GSTT4: variants seen among roughly 807,000 people sequenced by gnomAD.
GSTT4 encodes glutathione S-transferase theta 4.
chr22:23,996,608 C>A (rs1300807415), downstream of GSTT4, among the ~76,000 whole-genome samples: 1 of 152,162 alleles, frequency 6.6e-6, no homozygotes, highest in Non-Finnish European at 1.5e-5. Flanking sequence ...GATCATGTGA[C>A]TTTCTATTAA....
At chr22:23,993,952 A>G (rs993290073), downstream of GSTT4, among the ~76,000 whole-genome samples, 38 of 152,202 alleles carry the variant, frequency 2.5e-4, no homozygotes, top group Admixed American at 2.0e-4. Flanking sequence ...GTCACTCATA[A>G]CTTTACACCC....
At chr22:23,997,519 A>C (rs2034128630), downstream of GSTT4, among the ~76,000 whole-genome samples, 1 of 151,826 alleles carries the variant, frequency 6.6e-6, no homozygotes, top group South Asian at 2.1e-4. Flanking sequence ...CATTGCACCC[A>C]GCCTCCACTT....
At chr22:23,993,599 T>G (rs533648118), downstream of GSTT4, among the ~76,000 whole-genome samples, 1 of 152,338 alleles carries the variant, frequency 6.6e-6, no homozygotes, top group South Asian at 2.1e-4. Context: ...TATGTTTTTT[T>G]CTTGCCTCTT....
At chr22:23,990,735 T>TCTCA in the GSTT4 span, among the ~76,000 whole-genome samples, 1 of 93,578 alleles carries the variant, frequency 1.1e-5, no homozygotes, top group African/African-American at 3.7e-5. Context: ...AACGAGGCAG[T>TCTCA]TTGTTTTTTC....
At chr22:23,991,227 G>A in the GSTT4 span, 657 of 79,692 alleles carry the variant, frequency 8.2e-3, 2 homozygotes, top group Middle Eastern at 0.014. Flanking sequence ...TTTCCACACC[G>A]GAGAGTCTGA....
the GSTT4 span, among the ~76,000 whole-genome samples, chr22:23,991,087 AG>A: frequency 1.2e-5 from 1 of 83,464 alleles, no homozygotes; most frequent in Non-Finnish European, 2.8e-5. Context: ...CTGAGGCGGG[AG>A]GATCGCTTAA....
downstream of GSTT4, among the ~76,000 whole-genome samples, chr22:23,996,349 C>G (rs903537672): frequency 2.0e-5 from 3 of 152,120 alleles, no homozygotes; most frequent in Non-Finnish European, 4.4e-5. Context: ...CTAGATTCCA[C>G]CTTGTTCCTT....
At chr22:23,995,147 T>TTTG (rs2034104209), downstream of GSTT4, among the ~76,000 whole-genome samples, 4 of 151,732 alleles carry the variant, frequency 2.6e-5, no homozygotes, top group African/African-American at 7.3e-5. Flanking sequence ...GTTTGTTTTT[T>TTTG]TTTTGAGTCA....
At chr22:23,989,800 A>G in the GSTT4 span, among the ~76,000 whole-genome samples, 1 of 149,118 alleles carries the variant, frequency 6.7e-6, no homozygotes, top group Non-Finnish European at 1.5e-5. Context: ...AGGCCGCATT[A>G]GGTGCCTGGT....
the GSTT4 span, among the ~76,000 whole-genome samples, chr22:23,992,752 G>C: frequency 1.2e-4 from 18 of 148,820 alleles, 1 homozygote; most frequent in Middle Eastern, 0.017. Context: ...GCCTACCCCA[G>C]GGCCACACCT....
downstream of GSTT4, among the ~76,000 whole-genome samples, chr22:23,996,115 T>C (rs1368226687): frequency 6.6e-6 from 1 of 152,078 alleles, no homozygotes; most frequent in Non-Finnish European, 1.5e-5. Flanking sequence ...GGCTAATTTT[T>C]GTATTTTTAG....
downstream of GSTT4, among the ~76,000 whole-genome samples, chr22:23,994,670 C>CAG (rs1341673076): frequency 4.0e-5 from 6 of 151,278 alleles, no homozygotes; most frequent in Non-Finnish European, 7.4e-5. Context: ...ATTTTTACTT[C>CAG]TCTACTGTGC....
At chr22:24,004,476 TG>T in intron 1 of GSTT4, 1 of 153,504 alleles carries the variant, frequency 6.5e-6, no homozygotes, top group Non-Finnish European at 1.4e-5. Context: ...GCTGAGCTTT[TG>T]GAGTCCCTCT....
intron 3 of GSTT4, 88 bp from the exon 4 acceptor site, chr22:24,000,339 T>C (rs1190797315): frequency 1.3e-5 from 2 of 151,256 alleles, no homozygotes; most frequent in Non-Finnish European, 2.9e-5. Flanking sequence ...GTCTGCTGGA[T>C]AGATATTGAA....
chr22:24,003,059 T>C (rs1209696455), intron 2 of GSTT4, among the ~76,000 whole-genome samples: 5 of 37,030 alleles, frequency 1.4e-4, no homozygotes, highest in Non-Finnish European at 4.1e-4. Context: ...GTTCTGAACT[T>C]CCTGGCCTCA....
In GSTT4 at chr22:23,998,545, C is replaced by CAA; in HGVS notation, c.722_723insTT (p.Arg241SerfsTer16). The CAA allele has an allele frequency of 1.3e-5, 2 of 154,518 alleles. No homozygotes were observed. The highest frequency in any genetic ancestry group is 4.8e-5 in the African/African-American group (2 of 41,408). The allele number at this position is 154,518 out of a possible 1,614,324, so 9.6% of individuals were successfully genotyped here. A position where few individuals can be genotyped will look rare whatever the true frequency, so the allele number is the denominator to read the frequency against. The stretch of plus-strand genomic sequence containing the variant: ...GCGGGACAGGCTGCGCCTAGGGTCA[C>CAA]CTGCTCTTCTTCAGCAACTCAGAAA... On this transcript the variant is annotated frameshift_variant, in exon 5 of 5. Coordinates refer to ENST00000621179, the MANE Select transcript of GSTT4 (RefSeq NM_001358664.2). LOFTEE classifies it high-confidence loss of function.
intron 4 of GSTT4, among the ~76,000 whole-genome samples, chr22:23,999,277 C>T (rs947078422): frequency 1.1e-4 from 17 of 151,968 alleles, no homozygotes; most frequent in African/African-American, 2.7e-4. Context: ...GGGGTGGGGA[C>T]GAAGCATATG....
chr22:24,002,167 G>T (rs2034244458), intron 2 of GSTT4, among the ~76,000 whole-genome samples: 1 of 152,398 alleles, frequency 6.6e-6, no homozygotes, highest in South Asian at 2.1e-4. Flanking sequence ...GGTGCAGGGA[G>T]GTTATGGACT....
At chr22:23,995,814 A>G (rs1462635077), downstream of GSTT4, among the ~76,000 whole-genome samples, 3 of 152,150 alleles carry the variant, frequency 2.0e-5, no homozygotes, top group Admixed American at 6.5e-5. Flanking sequence ...CTTTGGTTAA[A>G]TTTATTCTAT....
Sources: gnomAD v4.1 joint callset for allele counts (sites outside exome capture counted in the v4.1 genomes callset) on GRCh38, gnomAD v4.1.1 for gene constraint, MANE v1.5 for transcripts, NCBI Gene and HGNC (gene_info 2026-07-23, HGNC 2026-07-21) for gene names.